Variants in ZFHX3 observed in about 807,000 individuals in gnomAD.
ZFHX3 encodes the protein zinc finger homeobox protein 3.
In ZFHX3, 42 loss-of-function variants were observed where a neutral mutation model predicts 279.1. The ratio of observed to expected loss-of-function variants is 0.15; its 90% CI spans 0.12 to 0.19. ZFHX3 has a LOEUF of 0.19. Among genes scored for constraint, ZFHX3 ranks in the 10% least tolerant of loss-of-function variants. The pLI, the probability that ZFHX3 is intolerant of heterozygous loss-of-function variation, is 1.00. For synonymous variants in ZFHX3, 2,293 were observed against 1,957.8 expected, an observed-to-expected ratio of 1.17 and a Z score of -4.52; for missense variants, 4,981 against 4,754.0, an observed-to-expected ratio of 1.05 and a Z score of -1.40.
chr16:73,308,936 G>A (rs1351783888), intron 4 of ZFHX3, among the ~76,000 whole-genome samples: 1 of 151,902 alleles, frequency 6.6e-6, no homozygotes, highest in East Asian at 1.9e-4. Context: ...TAAGAATTTG[G>A]AGAAGCAGAA....
intron 1 of ZFHX3, among the ~76,000 whole-genome samples, chr16:73,785,582 G>A (rs1597114756): frequency 6.6e-6 from 1 of 152,136 alleles, no homozygotes; most frequent in Non-Finnish European, 1.5e-5. Flanking sequence ...GAATACTCAT[G>A]AGTTCTTTTT....
intron 2 of ZFHX3, among the ~76,000 whole-genome samples, chr16:73,673,702 G>C (rs1009167502): frequency 5.9e-5 from 9 of 152,294 alleles, no homozygotes; most frequent in African/African-American, 1.2e-4. Context: ...GCCTGGAAAA[G>C]AGCCTCAAAA....
chr16:73,307,736 G>T (rs1034272430), intron 4 of ZFHX3, among the ~76,000 whole-genome samples: 1 of 152,064 alleles, frequency 6.6e-6, no homozygotes, highest in African/African-American at 2.4e-5. Context: ...ATTCACAGTT[G>T]AAATTTTCCT....
chr16:73,174,967 G>A (rs1967627204), intron 5 of ZFHX3, among the ~76,000 whole-genome samples: 2 of 151,852 alleles, frequency 1.3e-5, no homozygotes, highest in Admixed American at 1.3e-4. Flanking sequence ...GGTGGAGGCT[G>A]CAGTGAACCG....
chr16:72,983,434 C>T (rs1004175796), intron 1 of ZFHX3, among the ~76,000 whole-genome samples: 1 of 152,174 alleles, frequency 6.6e-6, no homozygotes, highest in African/African-American at 2.4e-5. Flanking sequence ...AGGCCAGGTG[C>T]GATGGCTCAT....
Position 73,439,935 on chromosome 16 carries a change from C to CAA in ZFHX3, c.-1291+16066_-1291+16067dup, listed in dbSNP as rs796863818. On this transcript the variant is annotated intron_variant, in intron 3 of 17. Transcript: ENST00000641206. The stretch of plus-strand genomic sequence containing the variant: ...AAAAAAAAAAAAAAAAAAAAAAACA[C>CAA]AAAAAAAAAAACAAGGAGAAGGGCC... 9.1e-3 allele frequency among the ~76,000 whole-genome samples: 843 copies of CAA among 92,886 alleles called. 9 individuals are homozygous for CAA. Among genetic ancestry groups the CAA allele is most frequent in the African/African-American group, 0.031 (795 of 25,446 alleles). 60.9% of individuals were successfully genotyped at this position (92,886 alleles called of 152,430 possible). A position where few individuals can be genotyped will look rare whatever the true frequency, so the allele number is the denominator to read the frequency against.
chr16:73,105,442 C>CATATATATATAT (rs1567389922), intron 7 of ZFHX3, among the ~76,000 whole-genome samples: 10 of 61,414 alleles, frequency 1.6e-4, no homozygotes, highest in East Asian at 6.4e-4. Context: ...TACACACACA[C>CATATATATATAT]ACATATATAT....
chr16:73,184,485 G>C (rs547996977), intron 5 of ZFHX3, among the ~76,000 whole-genome samples: 1 of 152,194 alleles, frequency 6.6e-6, no homozygotes, highest in African/African-American at 2.4e-5. Context: ...TAAGCCAGGA[G>C]GTGCTCTGCC....
At chr16:72,842,833 G>A (rs1189127020) in intron 4 of ZFHX3, among the ~76,000 whole-genome samples, 1 of 152,164 alleles carries the variant, frequency 6.6e-6, no homozygotes, top group African/African-American at 2.4e-5. Context: ...AAATGTTCCA[G>A]GAGAATGGAA....
At position 73,290,179 on chromosome 16, in the gene ZFHX3, A is replaced by G. The variant is rs889781193; in HGVS notation, c.-1194+28061T>C. ...CACAGGGGAATCAGGAAGGAGTCCA[A>G]ATAGACTCTGTGCCTTCCCTGATGG... On this transcript the variant is annotated intron_variant, in intron 4 of 17. Transcript: ENST00000641206. 5.9e-5 allele frequency among the ~76,000 whole-genome samples: 9 copies of G among 152,162 alleles called. No homozygotes were observed. In the South Asian group the frequency reaches 6.2e-4, roughly 11 times the overall value.
chr16:73,328,001 A>T (rs1354729396), intron 3 of ZFHX3, among the ~76,000 whole-genome samples: 1 of 152,200 alleles, frequency 6.6e-6, no homozygotes, highest in Admixed American at 6.5e-5. Flanking sequence ...TCAGCTCAGG[A>T]TCGGGGGGAA....
chr16:73,431,267 C>T (rs1319425696), intron 3 of ZFHX3, among the ~76,000 whole-genome samples: 3 of 151,626 alleles, frequency 2.0e-5, no homozygotes, highest in African/African-American at 7.3e-5. Context: ...CAGCCAGGCA[C>T]GGTGGCTCAC....
At chr16:73,727,894 T>C (rs926148839) in intron 1 of ZFHX3, among the ~76,000 whole-genome samples, 1 of 152,072 alleles carries the variant, frequency 6.6e-6, no homozygotes, top group East Asian at 1.9e-4. Context: ...AGAGAAAAGC[T>C]AACGGGTAAA....
At chr16:73,435,577 A>C (rs7201617) in intron 3 of ZFHX3, among the ~76,000 whole-genome samples, 8,705 of 152,152 alleles carry the variant, frequency 0.057, 289 homozygotes, top group East Asian at 0.19. Context: ...TGCCATTAGC[A>C]CTTCTCTCCC....
intron 7 of ZFHX3, among the ~76,000 whole-genome samples, chr16:73,102,865 C>G (rs756462116): frequency 2.2e-4 from 33 of 152,274 alleles, no homozygotes; most frequent in Middle Eastern, 3.4e-3. Flanking sequence ...GGTTCCTGGC[C>G]TAGGTCAGGC....
At chr16:73,221,371 A>C (rs2012414415) in intron 5 of ZFHX3, among the ~76,000 whole-genome samples, 1 of 152,132 alleles carries the variant, frequency 6.6e-6, no homozygotes, top group Non-Finnish European at 1.5e-5. Flanking sequence ...TTTTATTGTT[A>C]TAGATTATTT....
At chr16:73,795,249 C>T (rs1959957397) in intron 1 of ZFHX3, among the ~76,000 whole-genome samples, 1 of 152,218 alleles carries the variant, frequency 6.6e-6, no homozygotes. Context: ...ACTCCAAAGA[C>T]TATTCCCATG....
chr16:73,436,921 C>T (rs1365035697), intron 3 of ZFHX3, among the ~76,000 whole-genome samples: 1 of 152,176 alleles, frequency 6.6e-6, no homozygotes, highest in Non-Finnish European at 1.5e-5. Flanking sequence ...TTCTAAATCA[C>T]ACCTTTCTTC....
At chr16:73,265,591 G>C (rs1447375834) in intron 4 of ZFHX3, among the ~76,000 whole-genome samples, 2 of 152,076 alleles carry the variant, frequency 1.3e-5, no homozygotes, top group African/African-American at 4.8e-5. Context: ...TCTACCTGTC[G>C]GGCATTTGGT....
Sources: allele counts gnomAD v4.1 joint callset (sites outside exome capture counted in the v4.1 genomes callset), GRCh38; gene constraint gnomAD v4.1.1; transcripts MANE v1.5; gene names NCBI Gene and HGNC (gene_info 2026-07-23, HGNC 2026-07-21).